The following BACH2 variants were observed in gnomAD, a reference collection of about 807,000 sequenced individuals.
BACH2 encodes the protein BACH transcriptional regulator 2, also known as transcription regulator protein BACH2.
Under a neutral mutation model 61.8 loss-of-function variants are expected in BACH2, and 5 were observed. That is an observed-to-expected ratio of 0.08 (90% CI 0.04 to 0.17). BACH2 has a LOEUF of 0.17. Ranked by LOEUF, BACH2 falls within the 10% of genes least tolerant of loss-of-function variation. The pLI is 1.00. For missense variants in BACH2, 824 were observed against 1,091.1 expected (o/e 0.76, Z 3.45); for synonymous variants, 446 against 440.1 (o/e 1.01, Z -0.17).
At chr6:90,067,438 C>A (rs1370944356) in intron 5 of BACH2, among the ~76,000 whole-genome samples, 1 of 152,088 alleles carries the variant, frequency 6.6e-6, no homozygotes, top group Non-Finnish European at 1.5e-5. Flanking sequence ...GCCAGTGACA[C>A]GATCAAACCC....
chr6:90,059,937 G>A (rs1327096852), intron 5 of BACH2, among the ~76,000 whole-genome samples: 2 of 136,452 alleles, frequency 1.5e-5, no homozygotes, highest in African/African-American at 2.8e-5. Flanking sequence ...AGAACACATG[G>A]ACACAGGAAG....
At chr6:90,177,275 T>C (rs1768012180) in intron 4 of BACH2, among the ~76,000 whole-genome samples, 2 of 152,162 alleles carry the variant, frequency 1.3e-5, no homozygotes, top group South Asian at 2.1e-4. Context: ...TGCAGACTAC[T>C]TGAGGGCAGG....
intron 1 of BACH2, among the ~76,000 whole-genome samples, chr6:90,283,365 C>A (rs915440538): frequency 4.6e-5 from 7 of 151,584 alleles, no homozygotes; most frequent in Non-Finnish European, 1.0e-4. Context: ...AAGTGAAAGA[C>A]CCCTCATGCT....
chr6:90,160,948 C>T (rs778715138), intron 4 of BACH2, among the ~76,000 whole-genome samples: 3 of 151,922 alleles, frequency 2.0e-5, no homozygotes, highest in African/African-American at 4.8e-5. Flanking sequence ...ATTAGCTGGG[C>T]GTGGTGGCGT....
chr6:90,142,198 T>G (rs1236440588), intron 4 of BACH2, among the ~76,000 whole-genome samples: 1 of 152,224 alleles, frequency 6.6e-6, no homozygotes, highest in African/African-American at 2.4e-5. Context: ...ATCTTTGACT[T>G]AGTATGTGAT....
At chr6:90,125,625 T>A (rs1783817115) in intron 4 of BACH2, among the ~76,000 whole-genome samples, 2 of 152,116 alleles carry the variant, frequency 1.3e-5, no homozygotes, top group African/African-American at 2.4e-5. Context: ...TGGAAAAAAA[T>A]GGGGGACGGG....
intron 5 of BACH2, among the ~76,000 whole-genome samples, chr6:90,081,652 C>T (rs545637328): frequency 2.0e-5 from 3 of 152,174 alleles, no homozygotes; most frequent in African/African-American, 4.8e-5. Context: ...ATCCTTTACA[C>T]GGGATGATAA....
intron 4 of BACH2, among the ~76,000 whole-genome samples, chr6:90,182,268 G>A (rs1392024207): frequency 1.3e-5 from 2 of 152,106 alleles, no homozygotes; most frequent in Non-Finnish European, 2.9e-5. Flanking sequence ...GAAACATATT[G>A]TCAATCCCTG....
intron 4 of BACH2, among the ~76,000 whole-genome samples, chr6:90,196,808 A>T (rs1003952345): frequency 6.6e-6 from 1 of 152,198 alleles, no homozygotes; most frequent in Non-Finnish European, 1.5e-5. Flanking sequence ...ACTTTATTAA[A>T]GTTTGAGAGT....
At chr6:90,212,656 C>A (rs372251388) in intron 3 of BACH2, among the ~76,000 whole-genome samples, 1 of 152,276 alleles carries the variant, frequency 6.6e-6, no homozygotes, top group South Asian at 2.1e-4. Flanking sequence ...AACAGCCTTC[C>A]TCCCCAAGGA....
intron 5 of BACH2, among the ~76,000 whole-genome samples, chr6:90,040,537 T>G (rs1355798290): frequency 6.6e-6 from 1 of 151,866 alleles, no homozygotes; most frequent in Non-Finnish European, 1.5e-5. Flanking sequence ...TTTTTTTACA[T>G]GAACTTCAGC....
chr6:90,055,982 G>C (rs1780324302), intron 5 of BACH2, among the ~76,000 whole-genome samples: 1 of 152,114 alleles, frequency 6.6e-6, no homozygotes, highest in Non-Finnish European at 1.5e-5. Flanking sequence ...CACTAAACAT[G>C]GAAAGGAACA....
rs145006171 is a variant in BACH2, at chr6:90,254,352, C to G, written c.-352-1762G>C. On this transcript the variant is annotated intron_variant, in intron 2 of 8. Transcript: ENST00000257749. ...AAATTACTTAAAAATATTAAATAAA[C>G]ATTTTTAAAATGGGTATATTAAAGC... Among the ~76,000 whole-genome samples, 606 of 151,942 alleles carry G rather than the reference C, an allele frequency of 4.0e-3. 4 individuals are homozygous for G. The highest frequency in any genetic ancestry group is 0.013 in the African/African-American group (550 of 41,476).
In BACH2 at chr6:89,950,917, C is replaced by T. The variant is rs201928231; in HGVS notation, c.1189G>A (p.Val397Met). Residue 397 changes from valine to methionine, a missense_variant, in exon 7 of 9, where the codon GTG becomes ATG. Around this residue, in one of 8 missense-constraint regions of BACH2, gnomAD observed 226 missense variants for 228.5 expected, o/e 0.99. Transcript: ENST00000257749. This position sits in a 1 kb window ranked among gnomAD's most constrained non-coding sequence, Gnocchi z 5.3. The stretch of plus-strand genomic sequence containing the variant: ...AAGTTGGACACCTCCTTCTGGCCCA[C>T]GTGGGGCTGTCCATAATTCCCTGTG... ...PFTGNYGQPH[V>M]GQKEVSNFTM... 17 of 1,587,100 alleles carry T rather than the reference C, an allele frequency of 1.1e-5. No individual in the cohort carries two copies. Among genetic ancestry groups the T allele is most frequent in the South Asian group, 4.7e-5 (4 of 85,962 alleles).
At chr6:90,043,255 A>G (rs570036663) in intron 5 of BACH2, among the ~76,000 whole-genome samples, 1 of 152,278 alleles carries the variant, frequency 6.6e-6, no homozygotes, top group African/African-American at 2.4e-5. Context: ...AATCCTTGCG[A>G]CAGCAGTGTT....
At chr6:90,098,975 T>A (rs1324269873) in intron 4 of BACH2, among the ~76,000 whole-genome samples, 1 of 152,256 alleles carries the variant, frequency 6.6e-6, no homozygotes. Context: ...ATTGGCAATC[T>A]TGGATCCTGT....
chr6:90,263,815 G>A (rs1190976096), intron 2 of BACH2, among the ~76,000 whole-genome samples: 1 of 152,178 alleles, frequency 6.6e-6, no homozygotes, highest in African/African-American at 2.4e-5. Flanking sequence ...ATTTCTGACT[G>A]TAATAACTGA....
intron 3 of BACH2, among the ~76,000 whole-genome samples, chr6:90,246,580 A>T (rs965729967): frequency 2.6e-5 from 4 of 152,004 alleles, no homozygotes; most frequent in Non-Finnish European, 5.9e-5. Context: ...CAAACTGGCA[A>T]AAAAAAATCA....
chr6:89,956,910 G>A (rs1774456250), intron 6 of BACH2, among the ~76,000 whole-genome samples: 1 of 152,196 alleles, frequency 6.6e-6, no homozygotes, highest in Admixed American at 6.5e-5. Context: ...CGGAGGACAG[G>A]TGACTGCTCC....
Sources: gnomAD v4.1 joint callset for allele counts (sites outside exome capture counted in the v4.1 genomes callset) on GRCh38, gnomAD v4.1.1 for gene constraint, gnomAD v4.1.1 regional missense constraint, Gnocchi (gnomAD v3.1) non-coding constraint, MANE v1.5 for transcripts, NCBI Gene and HGNC (gene_info 2026-07-23, HGNC 2026-07-21) for gene names.